The following PLA2G4A variants were observed in gnomAD, a reference collection of about 807,000 sequenced individuals.
PLA2G4A encodes the protein cytosolic phospholipase A2.
In PLA2G4A, 40 loss-of-function variants were observed where a neutral mutation model predicts 81.9. The ratio of observed to expected loss-of-function variants is 0.49; its 90% CI spans 0.38 to 0.64. PLA2G4A has a LOEUF of 0.64. Ranked by LOEUF, PLA2G4A falls within the 30% of genes least tolerant of loss-of-function variation. The pLI is 0.00. For missense variants in PLA2G4A, 715 were observed against 905.1 expected, an observed-to-expected ratio of 0.79 and a Z score of 2.69; for synonymous variants, 302 against 296.9, an observed-to-expected ratio of 1.02 and a Z score of -0.18.
intron 3 of PLA2G4A, 114 bp from the exon 4 acceptor site, chr1:186,892,897 T>TAA: frequency 1.3e-6 from 1 of 780,800 alleles, no homozygotes; most frequent in Non-Finnish European, 2.2e-6. Flanking sequence ...CTCAGACATT[T>TAA]AAATACATCA....
chr1:186,981,635 C>T (rs1657721234), intron 17 of PLA2G4A, among the ~76,000 whole-genome samples: 1 of 152,134 alleles, frequency 6.6e-6, no homozygotes, highest in Non-Finnish European at 1.5e-5. Flanking sequence ...AAGTACATTG[C>T]ATTATCGTGC....
intron 17 of PLA2G4A, among the ~76,000 whole-genome samples, chr1:186,980,368 T>C (rs1657682964): frequency 1.3e-5 from 2 of 152,230 alleles, no homozygotes; most frequent in African/African-American, 4.8e-5. Context: ...GGTGAAATTC[T>C]TTCATTTTTA....
chr1:186,927,511 C>T lies in PLA2G4A; in HGVS notation c.559-5252C>T, dbSNP rs546559537. On this transcript the variant is annotated intron_variant, in intron 7 of 17. Coordinates refer to ENST00000367466, the MANE Select transcript of PLA2G4A (RefSeq NM_024420.3). ...CCCCTAAAAACTAGCCATACCATAA[C>T]GCGGTTGGTTGGGGGAGTAAAATCT... Among the ~76,000 whole-genome samples, 13 of 152,126 alleles carry T rather than the reference C, an allele frequency of 8.5e-5. No homozygotes were observed. In the East Asian group the frequency reaches 1.4e-3, roughly 16 times the overall value.
At position 186,988,639 on chromosome 1, in the gene PLA2G4A, T is replaced by G. The variant is rs1482049256; in HGVS notation, c.*131T>G. On this transcript the variant is annotated 3_prime_UTR_variant, in exon 18 of 18. Coordinates refer to ENST00000367466, the MANE Select transcript of PLA2G4A (RefSeq NM_024420.3). Reference sequence around the variant, plus strand: ...ACTGGCTGATACTCAAAGTTGCAGTTACTTAGCTGCATGAGAATAATACTA... The same window carrying G: ...ACTGGCTGATACTCAAAGTTGCAGTGACTTAGCTGCATGAGAATAATACTA... 34 of 773,444 alleles carry G rather than the reference T, an allele frequency of 4.4e-5. No individual in the cohort carries two copies. In the East Asian group the frequency reaches 9.1e-4, roughly 21 times the overall value. 47.9% of individuals were successfully genotyped at this position (773,444 alleles called of 1,614,324 possible).
intron 7 of PLA2G4A, among the ~76,000 whole-genome samples, chr1:186,915,713 G>A (rs1186747334): frequency 2.6e-5 from 4 of 152,076 alleles, no homozygotes; most frequent in Non-Finnish European, 5.9e-5. Flanking sequence ...GACTCCGGGT[G>A]GGTCCACACG....
intron 13 of PLA2G4A, among the ~76,000 whole-genome samples, chr1:186,954,518 A>G (rs888562187): frequency 1.3e-5 from 2 of 152,154 alleles, no homozygotes; most frequent in Admixed American, 1.3e-4. Context: ...CAGCAAACCA[A>G]CATGACACAT....
At chr1:186,903,563 C>T (rs901379766) in intron 5 of PLA2G4A, among the ~76,000 whole-genome samples, 29 of 152,092 alleles carry the variant, frequency 1.9e-4, no homozygotes, top group African/African-American at 6.8e-4. Context: ...ATTGCTGCTC[C>T]GCCTCCTGTA....
At chr1:186,901,178 C>A (rs929071836) in intron 5 of PLA2G4A, among the ~76,000 whole-genome samples, 1 of 152,146 alleles carries the variant, frequency 6.6e-6, no homozygotes. Context: ...AGAGACCTTT[C>A]GCTAAGATGT....
intron 7 of PLA2G4A, among the ~76,000 whole-genome samples, chr1:186,931,584 T>C (rs1045078496): frequency 6.6e-6 from 1 of 151,474 alleles, no homozygotes; most frequent in Non-Finnish European, 1.5e-5. Flanking sequence ...CAACCCCCTT[T>C]CAAGGCTTAA....
At chr1:186,840,384 A>C (rs898862383) in intron 1 of PLA2G4A, among the ~76,000 whole-genome samples, 2 of 152,152 alleles carry the variant, frequency 1.3e-5, no homozygotes, top group Non-Finnish European at 2.9e-5. Context: ...TGTCTAAAAT[A>C]AGATTTCTAA....
intron 15 of PLA2G4A, among the ~76,000 whole-genome samples, chr1:186,967,367 G>T (rs1046961438): frequency 9.9e-5 from 14 of 142,064 alleles, no homozygotes; most frequent in African/African-American, 3.5e-4. Context: ...GGAAGTGCTA[G>T]TTAAGAAATG....
At chr1:186,834,185 A>G (rs1407260185) in intron 1 of PLA2G4A, among the ~76,000 whole-genome samples, 1 of 152,132 alleles carries the variant, frequency 6.6e-6, no homozygotes, top group African/African-American at 2.4e-5. Flanking sequence ...TATTTAATTT[A>G]CAAGCTGTTT....
In PLA2G4A at chr1:186,939,279, A is replaced by G. The variant is rs1399332123; in HGVS notation, c.918+49A>G. ...TGCTTTTATAACAAGTAGACAGAAC[A>G]TATTATAATATTATATTTTAAATAA... is the stretch of plus-strand genomic sequence containing the variant. On this transcript the variant is annotated intron_variant, in intron 9 of 17. Transcript: ENST00000367466. The G allele has an allele frequency of 6.9e-6, 5 of 723,938 alleles. No homozygotes were observed. In the South Asian group the frequency reaches 9.3e-5, roughly 13 times the overall value. 44.8% of individuals were successfully genotyped at this position (723,938 alleles called of 1,614,324 possible).
chr1:186,988,220 T>C (rs1468982230), intron 17 of PLA2G4A, among the ~76,000 whole-genome samples, 157 bp from the exon 18 acceptor site: 1 of 152,172 alleles, frequency 6.6e-6, no homozygotes, highest in Non-Finnish European at 1.5e-5. Flanking sequence ...TGGTGGGATG[T>C]TGAATTTAAA....
At chr1:186,924,157 G>A (rs1041450305) in intron 7 of PLA2G4A, among the ~76,000 whole-genome samples, 2 of 152,104 alleles carry the variant, frequency 1.3e-5, no homozygotes, top group African/African-American at 4.8e-5. Flanking sequence ...GTCTACCTCC[G>A]TGTGGATATT....
At chr1:186,909,794 T>A (rs1479213121) in intron 6 of PLA2G4A, among the ~76,000 whole-genome samples, 1 of 152,160 alleles carries the variant, frequency 6.6e-6, no homozygotes, top group African/African-American at 2.4e-5. Flanking sequence ...CTTTAAATGA[T>A]CTTTAAAAAG....
intron 13 of PLA2G4A, among the ~76,000 whole-genome samples, chr1:186,953,008 T>C (rs1656618232): frequency 6.6e-6 from 1 of 152,218 alleles, no homozygotes; most frequent in Admixed American, 6.5e-5. Flanking sequence ...ACATTATGAA[T>C]AAAACTGCTA....
intron 14 of PLA2G4A, among the ~76,000 whole-genome samples, chr1:186,959,437 G>T (rs749987819): frequency 6.6e-6 from 1 of 152,020 alleles, no homozygotes; most frequent in East Asian, 1.9e-4. Context: ...AATTAATGAC[G>T]TTTGGAAAGA....
At chr1:186,854,112 A>G (rs74137525) in intron 1 of PLA2G4A, among the ~76,000 whole-genome samples, 174 bp from the exon 2 acceptor site, 2,173 of 152,028 alleles carry the variant, frequency 0.014, 62 homozygotes, top group African/African-American at 0.047. Context: ...TCATCCAAAC[A>G]TGTTTACCTT....
Sources: allele counts gnomAD v4.1 joint callset (sites outside exome capture counted in the v4.1 genomes callset), GRCh38; gene constraint gnomAD v4.1.1; transcripts MANE v1.5; gene names NCBI Gene and HGNC (gene_info 2026-07-23, HGNC 2026-07-21).